The following COBL variants were observed in gnomAD, a reference collection of about 807,000 sequenced individuals.
COBL encodes protein cordon-bleu.
In COBL, 51 loss-of-function variants were observed where a neutral mutation model predicts 98.8. The observed-to-expected ratio is 0.52, with a 90% CI of 0.41 to 0.65. The LOEUF (loss-of-function observed/expected upper bound fraction) is 0.65. COBL is among the 30% of genes least tolerant of loss of function. COBL has a pLI of 0.00. For missense variants in COBL, 1,617 were observed against 1,617.5 expected, an observed-to-expected ratio of 1.00 and a Z score of 0.01; for synonymous variants, 634 against 651.7, an observed-to-expected ratio of 0.97 and a Z score of 0.41.
At chr7:51,252,943 C>G (rs1796860198) in intron 1 of COBL, among the ~76,000 whole-genome samples, 1 of 152,164 alleles carries the variant, frequency 6.6e-6, no homozygotes, top group Non-Finnish European at 1.5e-5. Context: ...ATAATTTTAG[C>G]CAGGCACAGT....
chr7:51,308,126 G>A (rs1342348139), intron 1 of COBL, among the ~76,000 whole-genome samples: 1 of 152,224 alleles, frequency 6.6e-6, no homozygotes, highest in East Asian at 1.9e-4. Flanking sequence ...TCTGGCTGCT[G>A]TCGATCAGTC....
chr7:51,099,668 T>C (rs1431078987), intron 6 of COBL, among the ~76,000 whole-genome samples: 1 of 152,056 alleles, frequency 6.6e-6, no homozygotes, highest in African/African-American at 2.4e-5. Context: ...GATCTAGAGG[T>C]GCCTATATTA....
At chr7:51,145,245 A>C (rs987054294) in intron 5 of COBL, among the ~76,000 whole-genome samples, 1 of 152,056 alleles carries the variant, frequency 6.6e-6, no homozygotes, top group African/African-American at 2.4e-5. Flanking sequence ...TGAACTCTTG[A>C]CCTCAAGTGA....
chr7:51,239,634 C>T (rs1206353204), intron 1 of COBL, among the ~76,000 whole-genome samples: 1 of 152,198 alleles, frequency 6.6e-6, no homozygotes, highest in East Asian at 1.9e-4. Flanking sequence ...ACAGATTTGC[C>T]TCCAATTCTT....
intron 5 of COBL, among the ~76,000 whole-genome samples, chr7:51,147,219 A>C (rs1583959529): frequency 6.6e-6 from 1 of 152,188 alleles, no homozygotes; most frequent in African/African-American, 2.4e-5. Flanking sequence ...CGCACTGAGA[A>C]CCTGCCCATG....
chr7:51,132,165 G>A (rs766585565), intron 6 of COBL, among the ~76,000 whole-genome samples: 6 of 152,186 alleles, frequency 3.9e-5, no homozygotes, highest in Non-Finnish European at 7.3e-5. Context: ...ACAGAACCCC[G>A]GCTGGGGCCA....
intron 5 of COBL, among the ~76,000 whole-genome samples, chr7:51,183,753 T>C (rs1195988442): frequency 6.6e-6 from 1 of 152,230 alleles, no homozygotes; most frequent in Non-Finnish European, 1.5e-5. Context: ...CATTCACTCA[T>C]TCATTAATCT....
At chr7:51,200,608 C>T (rs576548975) in intron 2 of COBL, among the ~76,000 whole-genome samples, 15 of 152,186 alleles carry the variant, frequency 9.9e-5, no homozygotes, top group South Asian at 2.1e-4. Context: ...GGTAACCACA[C>T]ACAAATACAC....
intron 2 of COBL, among the ~76,000 whole-genome samples, chr7:51,209,957 A>G (rs1352071638): frequency 6.6e-6 from 1 of 152,234 alleles, no homozygotes; most frequent in South Asian, 2.1e-4. Context: ...GGGAGTGGAC[A>G]GCCCGGGGCT....
At chr7:51,231,015 G>A (rs568365390) in intron 1 of COBL, among the ~76,000 whole-genome samples, 43 of 152,322 alleles carry the variant, frequency 2.8e-4, no homozygotes, top group African/African-American at 1.0e-3. Context: ...TGGGAGAGGG[G>A]TTAACACTGC....
At chr7:51,140,783 T>C (rs1297663616) in intron 5 of COBL, among the ~76,000 whole-genome samples, 3 of 152,154 alleles carry the variant, frequency 2.0e-5, no homozygotes, top group African/African-American at 7.2e-5. Context: ...TGGAATACTT[T>C]CAGGGCTCAC....
At chr7:51,121,406 A>G (rs1797725541) in intron 6 of COBL, among the ~76,000 whole-genome samples, 1 of 152,142 alleles carries the variant, frequency 6.6e-6, no homozygotes, top group Non-Finnish European at 1.5e-5. Context: ...TTCTCCATAC[A>G]ACACATCCCT....
At chr7:51,172,325 C>T (rs1787950148) in intron 5 of COBL, 2 of 347,218 alleles carry the variant, frequency 5.8e-6, no homozygotes, top group Non-Finnish European at 9.6e-6. Context: ...AGGCGGCTTT[C>T]GACTCTATCT....
At chr7:51,165,316 A>G (rs1787200889) in intron 5 of COBL, among the ~76,000 whole-genome samples, 1 of 152,026 alleles carries the variant, frequency 6.6e-6, no homozygotes, top group African/African-American at 2.4e-5. Context: ...GAGCAGGAGT[A>G]GCTATACTTA....
At chr7:51,261,334 A>G (rs1367824395) in intron 1 of COBL, among the ~76,000 whole-genome samples, 1 of 152,050 alleles carries the variant, frequency 6.6e-6, no homozygotes, top group Non-Finnish European at 1.5e-5. Flanking sequence ...TTTACTCTCT[A>G]TCTCCCCCAC....
chr7:51,224,789 G>A (rs1347566548), intron 1 of COBL, among the ~76,000 whole-genome samples: 3 of 152,232 alleles, frequency 2.0e-5, no homozygotes, highest in South Asian at 2.1e-4. Flanking sequence ...CCAAGTAGCT[G>A]GGATTACAGG....
intron 6 of COBL, among the ~76,000 whole-genome samples, chr7:51,121,758 C>T (rs542275525): frequency 4.7e-4 from 71 of 152,218 alleles, no homozygotes; most frequent in African/African-American, 1.7e-3. Context: ...TATTTGAAAA[C>T]CCACTTTTCT....
intron 5 of COBL, among the ~76,000 whole-genome samples, chr7:51,145,334 G>A (rs561775422): frequency 6.7e-6 from 1 of 149,520 alleles, no homozygotes; most frequent in African/African-American, 2.5e-5. Context: ...ATTCTTTTGG[G>A]TATATTCCTA....
At chr7:51,191,629 A>C (rs144235160) in intron 3 of COBL, among the ~76,000 whole-genome samples, 273 of 151,882 alleles carry the variant, frequency 1.8e-3, no homozygotes, top group African/African-American at 6.1e-3. Context: ...ACACAGACCT[A>C]CATGTATTTA....
Sources: allele counts gnomAD v4.1 joint callset (sites outside exome capture counted in the v4.1 genomes callset), GRCh38; gene constraint gnomAD v4.1.1; transcripts MANE v1.5; gene names NCBI Gene and HGNC (gene_info 2026-07-23, HGNC 2026-07-21).